Variants in GYG1 observed in about 807,000 individuals in gnomAD.
The protein encoded by GYG1 is glycogenin-1.
A neutral mutation model predicts 41.9 loss-of-function variants in GYG1; 44 were observed. The observed-to-expected ratio is 1.05, with a 90% CI of 0.83 to 1.35. The LOEUF is 1.35. Ranked by LOEUF, GYG1 falls within the 40% of genes most tolerant of loss-of-function variation. The pLI is 0.00. For missense variants in GYG1, 429 were observed against 418.9 expected, an observed-to-expected ratio of 1.02 and a Z score of -0.21; for synonymous variants, 141 against 158.1, an observed-to-expected ratio of 0.89 and a Z score of 0.81.
intron 3 of GYG1, 88 bp from the exon 4 acceptor site, chr3:148,996,654 C>T: frequency 7.4e-7 from 1 of 1,349,224 alleles, no homozygotes; most frequent in Admixed American, 1.7e-5. Context: ...CTGTCACCAT[C>T]TTTTGTGTTG....
chr3:148,994,289 G>T lies in GYG1; in HGVS notation c.143+12G>T. The T allele has an allele frequency of 6.2e-7, 1 of 1,613,526 alleles. No homozygotes were observed. Among genetic ancestry groups the T allele is most frequent in the Non-Finnish European group, 8.5e-7 (1 of 1,179,514 alleles). Reference sequence around the variant, plus strand: ...TCAGACTCCATGAGGTGAGGACCTCGCTGCCACCCCAGCATCCAAGGGGCT... The same window carrying T: ...TCAGACTCCATGAGGTGAGGACCTCTCTGCCACCCCAGCATCCAAGGGGCT... On this transcript the variant is annotated intron_variant, in intron 2 of 7. Coordinates refer to ENST00000345003, the MANE Select transcript of GYG1 (RefSeq NM_004130.4).
chr3:148,999,382 G>T (rs1220795939), intron 4 of GYG1, among the ~76,000 whole-genome samples: 1 of 152,194 alleles, frequency 6.6e-6, no homozygotes, highest in Admixed American at 6.5e-5. Context: ...CATCTATGCA[G>T]CTGAGAACTT....
At chr3:149,001,196 A>G (rs1225550337) in intron 4 of GYG1, 1 of 152,216 alleles carries the variant, frequency 6.6e-6, no homozygotes, top group African/African-American at 2.4e-5. Context: ...CAGCCCGGAC[A>G]GTTATCTTCC....
At position 148,994,170 on chromosome 3, in the gene GYG1, C is replaced by G. The variant is rs761710847; in HGVS notation, c.36C>G (p.Asn12Lys). The change falls in exon 2 of 8, where the codon AAC becomes AAG. Residue 12 changes from asparagine (N) to lysine (K), a missense_variant. By Grantham distance (94) the Asn-to-Lys change is moderately conservative. Transcript: ENST00000345003. ...TDQAFVTLTT[N>K]DAYAKGALVL... The stretch of plus-strand genomic sequence containing the variant: ...AGGCCTTTGTGACACTAACCACAAA[C>G]GATGCCTACGCCAAAGGTGCCCTGG... 3 of 1,613,122 alleles carry G rather than the reference C, an allele frequency of 1.9e-6. No homozygotes were observed. The highest frequency in any genetic ancestry group is 1.7e-5 in the Admixed American group (1 of 59,986).
intron 5 of GYG1, among the ~76,000 whole-genome samples, chr3:149,021,179 T>TGTC (rs1366085186): frequency 6.6e-6 from 1 of 152,230 alleles, no homozygotes; most frequent in African/African-American, 2.4e-5. Flanking sequence ...AGCCCCAACT[T>TGTC]GTCACCTTGC....
At chr3:149,010,783 C>A (rs544940898) in intron 5 of GYG1, among the ~76,000 whole-genome samples, 1 of 152,168 alleles carries the variant, frequency 6.6e-6, no homozygotes, top group South Asian at 2.1e-4. Context: ...GCTGTCAGGT[C>A]GATCCTGAGA....
intron 4 of GYG1, chr3:149,001,161 C>T (rs1248915490): frequency 6.6e-6 from 1 of 152,198 alleles, no homozygotes; most frequent in Non-Finnish European, 1.5e-5. Flanking sequence ...TGGTGTGCTT[C>T]ACTTGGTTCC....
chr3:149,025,329 A>G (rs1449092823), intron 6 of GYG1, among the ~76,000 whole-genome samples: 3 of 152,156 alleles, frequency 2.0e-5, no homozygotes, highest in Non-Finnish European at 4.4e-5. Flanking sequence ...TTTACAATAG[A>G]GTTCACGCTT....
chr3:148,992,075 G>A (rs1479435581), intron 1 of GYG1, among the ~76,000 whole-genome samples: 1 of 152,136 alleles, frequency 6.6e-6, no homozygotes, highest in Non-Finnish European at 1.5e-5. Context: ...AGGAAGCAGG[G>A]GCTCCGAGGC....
chr3:149,007,138 A>G (rs1010746935), intron 4 of GYG1, among the ~76,000 whole-genome samples: 7 of 152,098 alleles, frequency 4.6e-5, no homozygotes, highest in Admixed American at 3.3e-4. Flanking sequence ...TTTTTTTGTT[A>G]TAACTGCTGC....
Position 148,996,849 on chromosome 3 carries a change from A to G in GYG1, c.426A>G (p.Ser142=). 1 of 1,613,738 alleles carries G rather than the reference A, an allele frequency of 6.2e-7. No homozygotes were observed. Among genetic ancestry groups the G allele is most frequent in the African/African-American group, 1.3e-5 (1 of 75,032 alleles). ...FNSGVFVYQP[S]VETYNQLLHL... ...CCGGAGTCTTCGTTTATCAGCCTTC[A>G]GTTGAAACATACAATCAGCTGTTGC... The change falls in exon 4 of 8, where the codon TCA becomes TCG. Residue 142 remains serine, a synonymous_variant. Transcript: ENST00000345003.
rs937188326 is a variant in GYG1, at chr3:148,996,834, C to T, written c.411C>T (p.Phe137=). The stretch of plus-strand genomic sequence containing the variant: ...CTGACTGCTTCAATTCCGGAGTCTT[C>T]GTTTATCAGCCTTCAGTTGAAACAT... ...GWPDCFNSGV[F]VYQPSVETYN... Residue 137 remains phenylalanine, a synonymous_variant, in exon 4 of 8, where the codon TTC becomes TTT. Transcript: ENST00000345003. 3.1e-6 allele frequency: 5 copies of T among 1,613,302 alleles called. No homozygotes were observed. The highest frequency in any genetic ancestry group is 3.3e-5 in the Admixed American group (2 of 59,996).
intron 5 of GYG1, among the ~76,000 whole-genome samples, chr3:149,020,808 T>A (rs1321686193): frequency 6.6e-6 from 1 of 152,160 alleles, no homozygotes; most frequent in South Asian, 2.1e-4. Context: ...GATCAAACAG[T>A]TTAATACAAG....
At chr3:149,003,776 C>T (rs1486873153) in intron 4 of GYG1, among the ~76,000 whole-genome samples, 1 of 152,104 alleles carries the variant, frequency 6.6e-6, no homozygotes, top group African/African-American at 2.4e-5. Context: ...ATAGGGGGAA[C>T]ATTCCTTTGG....
At chr3:149,023,556 T>G (rs1714482348) in intron 5 of GYG1, among the ~76,000 whole-genome samples, 1 of 152,224 alleles carries the variant, frequency 6.6e-6, no homozygotes, top group Non-Finnish European at 1.5e-5. Context: ...GCCTGTTCTG[T>G]CCACAATGGA....
rs1714823322 is a variant in GYG1 at position 149,029,194 on chromosome 3, C to G, written c.*2261C>G. Among the ~76,000 whole-genome samples, 1 of 152,186 alleles carries G rather than the reference C, an allele frequency of 6.6e-6. No homozygotes were observed. Among genetic ancestry groups the G allele is most frequent in the African/African-American group, 2.4e-5 (1 of 41,440 alleles). On this transcript the variant is annotated 3_prime_UTR_variant, in exon 8 of 8. Transcript: ENST00000345003. ...TGTCTTAAGGTGAAGTATTAACTAA[C>G]TTTTCCATGTAAAGCTATACAAATA...
intron 6 of GYG1, among the ~76,000 whole-genome samples, chr3:149,026,082 A>G (rs1332946665): frequency 6.6e-6 from 1 of 152,242 alleles, no homozygotes; most frequent in Non-Finnish European, 1.5e-5. Context: ...ATTTAAATAC[A>G]TACCTATATG....
intron 7 of GYG1, 23 bp downstream of exon 7, chr3:149,026,525 C>A (rs777718884): frequency 4.0e-6 from 6 of 1,498,506 alleles, no homozygotes; most frequent in Middle Eastern, 1.7e-4. Context: ...TAAAGATTAA[C>A]CCTAATTACT....
intron 4 of GYG1, among the ~76,000 whole-genome samples, chr3:148,997,828 A>T (rs1422361779): frequency 6.6e-6 from 1 of 152,228 alleles, no homozygotes; most frequent in Non-Finnish European, 1.5e-5. Flanking sequence ...TGCTATTCAC[A>T]TGGGGTTGGG....
Sources: allele counts gnomAD v4.1 joint callset (sites outside exome capture counted in the v4.1 genomes callset), GRCh38; gene constraint gnomAD v4.1.1; transcripts MANE v1.5; gene names NCBI Gene and HGNC (gene_info 2026-07-23, HGNC 2026-07-21).